SAMD5: variants seen among roughly 807,000 people sequenced by gnomAD.
SAMD5 encodes the protein sterile alpha motif domain containing 5.
SAMD5 carries 13 observed loss-of-function variants against 11.3 expected under a neutral mutation model. The observed-to-expected ratio is 1.15, with a 90% CI of 0.75 to 1.83. The LOEUF (loss-of-function observed/expected upper bound fraction) is 1.83, where lower values mean the gene tolerates loss of function less well. Among genes scored for constraint, SAMD5 ranks in the 40% most tolerant of loss-of-function variants. SAMD5 has a pLI of 0.00. For synonymous variants in SAMD5, 129 were observed against 111.3 expected, an observed-to-expected ratio of 1.16 and a Z score of -1.00; for missense variants, 255 against 239.1, an observed-to-expected ratio of 1.07 and a Z score of -0.44.
intron 1 of SAMD5, among the ~76,000 whole-genome samples, chr6:147,591,223 A>AT (rs1211502125): frequency 9.2e-5 from 14 of 152,156 alleles, no homozygotes; most frequent in African/African-American, 3.1e-4. Flanking sequence ...ATTTCACAGA[A>AT]TGCTCATATT....
chr6:147,776,710 C>T, the SAMD5 span, among the ~76,000 whole-genome samples: 2 of 152,180 alleles, frequency 1.3e-5, no homozygotes, highest in African/African-American at 4.8e-5. Context: ...GACCTTTCAT[C>T]ACAAGAATAC....
chr6:147,783,244 C>T, the SAMD5 span, among the ~76,000 whole-genome samples: 1 of 152,080 alleles, frequency 6.6e-6, no homozygotes, highest in South Asian at 2.1e-4. Flanking sequence ...CAGGATCTGG[C>T]TGTTATAACC....
intron 1 of SAMD5, among the ~76,000 whole-genome samples, chr6:147,616,023 T>C (rs1322895859): frequency 6.6e-6 from 1 of 152,006 alleles, no homozygotes; most frequent in African/African-American, 2.4e-5. Flanking sequence ...GGTGGTGTGA[T>C]GTTGGACCTT....
At chr6:147,768,493 G>A in the SAMD5 span, among the ~76,000 whole-genome samples, 38 of 151,954 alleles carry the variant, frequency 2.5e-4, 1 homozygote, top group Admixed American at 9.2e-4. Context: ...GTGAGACTCC[G>A]TCTCAAACAA....
chr6:147,806,725 T>C, the SAMD5 span, among the ~76,000 whole-genome samples: 1 of 152,144 alleles, frequency 6.6e-6, no homozygotes, highest in African/African-American at 2.4e-5. Context: ...CACCATGAAA[T>C]CCTCTCAGCA....
At chr6:147,750,103 G>C in the SAMD5 span, among the ~76,000 whole-genome samples, 1 of 152,250 alleles carries the variant, frequency 6.6e-6, no homozygotes, top group Non-Finnish European at 1.5e-5. Flanking sequence ...AGGAGACATA[G>C]AATTATGTGT....
intron 1 of SAMD5, among the ~76,000 whole-genome samples, chr6:147,717,817 C>A (rs941054761): frequency 6.6e-6 from 1 of 152,072 alleles, no homozygotes; most frequent in African/African-American, 2.4e-5. Context: ...CACCACTGCA[C>A]TCCAGCCTGG....
chr6:147,658,701 C>A (rs1462583413), intron 1 of SAMD5, among the ~76,000 whole-genome samples: 2 of 151,710 alleles, frequency 1.3e-5, no homozygotes, highest in African/African-American at 4.8e-5. Context: ...GGGTGGAAGA[C>A]AGCATTCTTT....
At chr6:147,731,325 A>G (rs1040910002) in intron 1 of SAMD5, among the ~76,000 whole-genome samples, 2 of 152,192 alleles carry the variant, frequency 1.3e-5, no homozygotes, top group African/African-American at 4.8e-5. Context: ...GGGCTGAAAC[A>G]TAGGTCAGTC....
the SAMD5 span, among the ~76,000 whole-genome samples, chr6:147,921,067 T>G: frequency 1.3e-5 from 2 of 152,294 alleles, no homozygotes; most frequent in East Asian, 1.9e-4. Flanking sequence ...AATCACATTA[T>G]TATTGAAGCA....
chr6:147,774,373 T>G, the SAMD5 span, among the ~76,000 whole-genome samples: 18 of 152,300 alleles, frequency 1.2e-4, no homozygotes, highest in South Asian at 3.5e-3. Flanking sequence ...AATTGTCCCT[T>G]GATATCCATA....
At chr6:147,869,048 A>G in the SAMD5 span, among the ~76,000 whole-genome samples, 1 of 152,236 alleles carries the variant, frequency 6.6e-6, no homozygotes, top group Non-Finnish European at 1.5e-5. Flanking sequence ...ACTGGGTAGC[A>G]GGATGTGACC....
chr6:147,670,073 A>G (rs1251773097), intron 1 of SAMD5, among the ~76,000 whole-genome samples: 4 of 152,240 alleles, frequency 2.6e-5, no homozygotes, highest in African/African-American at 9.6e-5. Flanking sequence ...GGATGTTATT[A>G]CCAAGCATGA....
At chr6:147,610,822 T>C (rs1789772191) in intron 1 of SAMD5, among the ~76,000 whole-genome samples, 1 of 151,574 alleles carries the variant, frequency 6.6e-6, no homozygotes, top group South Asian at 2.1e-4. Flanking sequence ...GGTGACCAAC[T>C]GGAGAGAGAT....
intron 1 of SAMD5, among the ~76,000 whole-genome samples, chr6:147,733,156 C>G (rs561419527): frequency 5.3e-5 from 8 of 152,034 alleles, no homozygotes; most frequent in African/African-American, 1.2e-4. Flanking sequence ...ATTTAAATAC[C>G]TGAGCAAGTT....
chr6:147,674,447 G>C (rs1444362744), intron 1 of SAMD5, among the ~76,000 whole-genome samples: 1 of 152,062 alleles, frequency 6.6e-6, no homozygotes, highest in East Asian at 1.9e-4. Context: ...TACACCCCTT[G>C]CACGCACCCA....
chr6:147,560,779 C>T (rs1363488404), intron 1 of SAMD5, among the ~76,000 whole-genome samples: 2 of 152,064 alleles, frequency 1.3e-5, no homozygotes, highest in African/African-American at 4.8e-5. Context: ...ACTGCCTCTC[C>T]CTGCTTCTCA....
At chr6:147,645,509 C>T (rs1790384320) in intron 1 of SAMD5, among the ~76,000 whole-genome samples, 1 of 152,126 alleles carries the variant, frequency 6.6e-6, no homozygotes, top group East Asian at 1.9e-4. Flanking sequence ...TATTTATACA[C>T]TTACTGCAGA....
At chr6:147,729,038 CAG>C (rs1277840906) in intron 1 of SAMD5, among the ~76,000 whole-genome samples, 1 of 152,186 alleles carries the variant, frequency 6.6e-6, no homozygotes, top group Non-Finnish European at 1.5e-5. Context: ...GGTGGGAAGT[CAG>C]AGATCATGGT....
Sources: allele counts gnomAD v4.1 joint callset (sites outside exome capture counted in the v4.1 genomes callset), GRCh38; gene constraint gnomAD v4.1.1; transcripts MANE v1.5; gene names NCBI Gene and HGNC (gene_info 2026-07-23, HGNC 2026-07-21).